The following ZFP14 variants were observed in gnomAD, a reference collection of about 807,000 sequenced individuals.
ZFP14 encodes ZFP14 zinc finger protein, also known as zinc finger protein 14 homolog.
In ZFP14, 22 loss-of-function variants were observed where a neutral mutation model predicts 54.5. That is an observed-to-expected ratio of 0.40 (90% CI 0.29 to 0.58). ZFP14 has a LOEUF of 0.58. ZFP14 is among the 20% of genes least tolerant of loss of function. The probability of loss-of-function intolerance (pLI) is 0.39; values close to 1 mark genes in which losing one functional copy is unlikely to be tolerated. For synonymous variants in ZFP14, 159 were observed against 204.0 expected (o/e 0.78, Z 1.88); for missense variants, 470 against 637.8 (o/e 0.74, Z 2.83).
intron 2 of ZFP14, among the ~76,000 whole-genome samples, chr19:36,364,478 A>C (rs2031760557): frequency 6.6e-6 from 1 of 152,106 alleles, no homozygotes; most frequent in African/African-American, 2.4e-5. Flanking sequence ...CGAGGGGTGT[A>C]ACTGGTCTAG....
intron 2 of ZFP14, among the ~76,000 whole-genome samples, chr19:36,364,392 G>A (rs1280528273): frequency 6.6e-6 from 1 of 152,192 alleles, no homozygotes; most frequent in Non-Finnish European, 1.5e-5. Flanking sequence ...CCTGGTTCCT[G>A]CAGTGGTATG....
At chr19:36,372,020 G>A (rs1229338484) in intron 1 of ZFP14, among the ~76,000 whole-genome samples, 1 of 136,676 alleles carries the variant, frequency 7.3e-6, no homozygotes, top group Middle Eastern at 3.3e-3. Flanking sequence ...GGGAAGGAAG[G>A]AAGGAAGGAG....
In ZFP14 at chr19:36,337,193, G is replaced by A. The variant is rs573627523; in HGVS notation, c.*3031C>T. On this transcript the variant is annotated 3_prime_UTR_variant, in exon 5 of 5. Transcript: ENST00000270001. The stretch of plus-strand genomic sequence containing the variant: ...AAGTAATGCCAACATACTGAATTTA[G>A]TTGATATGTCTCTTTAAGTCTCTTT... 5.9e-5 allele frequency: 9 copies of A among 152,186 alleles called. No homozygotes were observed. Among genetic ancestry groups the A allele is most frequent in the Admixed American group, 4.6e-4 (7 of 15,292 alleles). The allele number at this position is 152,186 out of a possible 1,614,324, so 9.4% of individuals were successfully genotyped here.
chr19:36,353,016 G>A (rs1273627871), intron 4 of ZFP14, among the ~76,000 whole-genome samples: 1 of 141,152 alleles, frequency 7.1e-6, no homozygotes, highest in African/African-American at 2.6e-5. Context: ...TGAGGTGGGA[G>A]GATCACTTGA....
intron 4 of ZFP14, among the ~76,000 whole-genome samples, chr19:36,350,702 A>AT (rs2031509643): frequency 7.0e-6 from 1 of 142,580 alleles, no homozygotes; most frequent in Non-Finnish European, 1.6e-5. Flanking sequence ...TATAATTGGG[A>AT]TTTTTACATT....
In ZFP14 at chr19:36,335,328, G is replaced by A. The variant is rs1051303157; in HGVS notation, c.*4896C>T. 3.3e-5 allele frequency: 5 copies of A among 151,910 alleles called. No homozygotes were observed. 9.4% of individuals were successfully genotyped at this position (151,910 alleles called of 1,614,324 possible). On this transcript the variant is annotated 3_prime_UTR_variant, in exon 5 of 5. Coordinates refer to ENST00000270001, the MANE Select transcript of ZFP14 (RefSeq NM_020917.3). ...GGCTTTCTGGAGGTATTTGGTGCTT[G>A]GGAAAAGAAACACTGACCTATTAGC...
intron 4 of ZFP14, among the ~76,000 whole-genome samples, chr19:36,349,936 T>G (rs2031496835): frequency 9.6e-6 from 1 of 103,706 alleles, no homozygotes. Flanking sequence ...CAGACTGCTT[T>G]GAACTCAAAC....
intron 2 of ZFP14, among the ~76,000 whole-genome samples, chr19:36,367,622 A>G (rs2145560439): frequency 6.6e-6 from 1 of 152,002 alleles, no homozygotes; most frequent in Admixed American, 6.5e-5. Context: ...CTGCCACCAC[A>G]CTGGCTAATT....
Position 36,341,157 on chromosome 19 carries a change from G to C in ZFP14, c.669C>G (p.Thr223=). The C allele has an allele frequency of 6.2e-7, 1 of 1,613,864 alleles. No homozygotes were observed. The highest frequency in any genetic ancestry group is 8.5e-7 in the Non-Finnish European group (1 of 1,179,950). Residue 223 remains threonine, a synonymous_variant, in exon 5 of 5, where the codon ACC becomes ACG. Coordinates refer to ENST00000270001, the MANE Select transcript of ZFP14 (RefSeq NM_020917.3). This position sits in a 1 kb window ranked among gnomAD's most constrained non-coding sequence, Gnocchi z 4.2. ...CCTTACATTCATAGGGTTTCTCACC[G>C]GTGTGAAGTTTGTGATGTCGAATAA... The part of the protein sequence containing the change: ...AHLIRHHKLH[T]GEKPYECKEC...
At chr19:36,360,349 A>C in intron 4 of ZFP14, 86 bp downstream of exon 4, 1 of 1,176,398 alleles carries the variant, frequency 8.5e-7, no homozygotes, top group East Asian at 2.6e-5. Context: ...AGAGACCCCA[A>C]CATCTCAAGG....
intron 4 of ZFP14, among the ~76,000 whole-genome samples, chr19:36,344,988 C>G (rs1276225120): frequency 6.6e-6 from 1 of 152,116 alleles, no homozygotes; most frequent in African/African-American, 2.4e-5. Context: ...GTTGGCCGGG[C>G]ACTGTGGTTC....
At chr19:36,356,376 C>T (rs971819559) in intron 4 of ZFP14, among the ~76,000 whole-genome samples, 8 of 150,960 alleles carry the variant, frequency 5.3e-5, no homozygotes, top group Admixed American at 2.0e-4. Context: ...TGCAGTGAGC[C>T]GAGATCCCGC....
Position 36,334,711 on chromosome 19 carries a change from C to A in ZFP14, c.*5513G>T, listed in dbSNP as rs1600059473. 2.0e-5 allele frequency: 3 copies of A among 152,294 alleles called. No homozygotes were observed. Among genetic ancestry groups the A allele is most frequent in the Admixed American group, 2.0e-4 (3 of 15,304 alleles). 9.4% of individuals were successfully genotyped at this position (152,294 alleles called of 1,614,324 possible). On this transcript the variant is annotated 3_prime_UTR_variant, in exon 5 of 5. Coordinates refer to ENST00000270001, the MANE Select transcript of ZFP14 (RefSeq NM_020917.3). The stretch of plus-strand genomic sequence containing the variant: ...ATATCTAAAATTACACCCTTGAAGA[C>A]ATTCATTGTGGTTATGGTAGCATCT...
chr19:36,362,990 C>A (rs958933224), intron 2 of ZFP14, among the ~76,000 whole-genome samples: 7 of 151,804 alleles, frequency 4.6e-5, no homozygotes, highest in Non-Finnish European at 7.4e-5. Flanking sequence ...TATTTTAATT[C>A]AATAAAATCT....
At chr19:36,367,119 A>G (rs1600082962) in intron 2 of ZFP14, among the ~76,000 whole-genome samples, 1 of 151,262 alleles carries the variant, frequency 6.6e-6, no homozygotes, top group Non-Finnish European at 1.5e-5. Context: ...ATGCCACTGC[A>G]CTCCAGCCTG....
At chr19:36,360,627 G>C in intron 3 of ZFP14, 94 bp from the exon 4 acceptor site, 1 of 1,141,406 alleles carries the variant, frequency 8.8e-7, no homozygotes. Context: ...GATCAATATG[G>C]CACTTTATAA....
chr19:36,337,921 G>T lies in ZFP14; in HGVS notation c.*2303C>A, dbSNP rs1028109924. On this transcript the variant is annotated 3_prime_UTR_variant, in exon 5 of 5. Coordinates refer to ENST00000270001, the MANE Select transcript of ZFP14 (RefSeq NM_020917.3). Reference sequence around the variant, plus strand: ...TTTCTGGACCCATTATTCCATTAAGGTCTAGAAAATGGTGATTTTTCTAAT... The same window carrying T: ...TTTCTGGACCCATTATTCCATTAAGTTCTAGAAAATGGTGATTTTTCTAAT... 1.3e-5 allele frequency: 2 copies of T among 152,104 alleles called. No homozygotes were observed. Among genetic ancestry groups the T allele is most frequent in the Non-Finnish European group, 2.9e-5 (2 of 68,006 alleles). The allele number at this position is 152,104 out of a possible 1,614,324, so 9.4% of individuals were successfully genotyped here.
chr19:36,376,031 G>T (rs1004291039), intron 1 of ZFP14, among the ~76,000 whole-genome samples: 1 of 151,778 alleles, frequency 6.6e-6, no homozygotes, highest in African/African-American at 2.4e-5. Context: ...ATGATATTTG[G>T]TATACTGTTG....
intron 3 of ZFP14, 56 bp from the exon 4 acceptor site, chr19:36,360,589 G>A: frequency 6.6e-7 from 1 of 1,503,938 alleles, no homozygotes; most frequent in Non-Finnish European, 9.1e-7. Context: ...TTTAGATTTA[G>A]ATTTGGTTAA....
Sources: allele counts gnomAD v4.1 joint callset (sites outside exome capture counted in the v4.1 genomes callset), GRCh38; gene constraint gnomAD v4.1.1; non-coding constraint Gnocchi (gnomAD v3.1); transcripts MANE v1.5; gene names NCBI Gene and HGNC (gene_info 2026-07-23, HGNC 2026-07-21).